Variants in NME7 observed in about 807,000 individuals in gnomAD.
NME7 encodes the protein nucleoside diphosphate kinase 7.
Under a neutral mutation model 49.1 loss-of-function variants are expected in NME7, and 41 were observed. The observed-to-expected ratio is 0.83, with a 90% CI of 0.65 to 1.08. The LOEUF (loss-of-function observed/expected upper bound fraction) is 1.08, where lower values mean the gene tolerates loss of function less well. Among genes scored for constraint, NME7 ranks in the 50% least tolerant of loss-of-function variants. The probability of loss-of-function intolerance (pLI) is 0.00; values close to 1 mark genes in which losing one functional copy is unlikely to be tolerated. For synonymous variants in NME7, 139 were observed against 150.6 expected, an observed-to-expected ratio of 0.92 and a Z score of 0.56; for missense variants, 423 against 463.4, an observed-to-expected ratio of 0.91 and a Z score of 0.80.
intron 7 of NME7, among the ~76,000 whole-genome samples, chr1:169,250,020 A>C (rs971536001): frequency 3.3e-5 from 5 of 151,976 alleles, no homozygotes; most frequent in Non-Finnish European, 7.4e-5. Context: ...CTCTTTCTTA[A>C]TCTTTTGGAA....
intron 11 of NME7, among the ~76,000 whole-genome samples, chr1:169,135,082 T>C (rs908519014): frequency 6.7e-6 from 1 of 149,002 alleles, no homozygotes; most frequent in African/African-American, 2.5e-5. Context: ...CTCAGCTACT[T>C]GGACGTCTGG....
chr1:169,303,125 TC>T lies in NME7; in HGVS notation c.440+19del. On this transcript the variant is annotated intron_variant, in intron 5 of 11. Transcript: ENST00000367811. ...GATATCCTCCTTTACATACCACTAA[TC>T]CCCAAATTAAGGACCTACTTGAAAA... 1 of 1,520,590 alleles carries T rather than the reference TC, an allele frequency of 6.6e-7. No individual in the cohort carries two copies. Among genetic ancestry groups the T allele is most frequent in the Non-Finnish European group, 9.0e-7 (1 of 1,108,614 alleles). 94.2% of individuals were successfully genotyped at this position (1,520,590 alleles called of 1,614,324 possible).
Position 169,256,077 on chromosome 1 carries a change from A to G in NME7, c.755-18390T>C, listed in dbSNP as rs1407939046. Reference sequence around the variant, plus strand: ...TCTTCTCGAGGAGTATCTTTGTGGCATTCTCTGTATTTCCTGAATCTGAAT... The same window carrying G: ...TCTTCTCGAGGAGTATCTTTGTGGCGTTCTCTGTATTTCCTGAATCTGAAT... On this transcript the variant is annotated intron_variant, in intron 7 of 11. Coordinates refer to ENST00000367811, the MANE Select transcript of NME7 (RefSeq NM_013330.5). Among the ~76,000 whole-genome samples the G allele has an allele frequency of 1.2e-4, 16 of 132,098 alleles. 2 individuals are homozygous for G. Among genetic ancestry groups the G allele is most frequent in the East Asian group, 1.0e-3 (5 of 4,974 alleles). The allele number at this position is 132,098 out of a possible 152,430, so 86.7% of individuals were successfully genotyped here. A position where few individuals can be genotyped will look rare whatever the true frequency, so the allele number is the denominator to read the frequency against.
At chr1:169,315,346 C>A (rs1651579342) in intron 3 of NME7, among the ~76,000 whole-genome samples, 1 of 151,132 alleles carries the variant, frequency 6.6e-6, no homozygotes, top group African/African-American at 2.4e-5. Flanking sequence ...CTCACTACAA[C>A]CTCCACCTCC....
intron 11 of NME7, among the ~76,000 whole-genome samples, chr1:169,142,424 G>A (rs1658622224): frequency 6.6e-6 from 1 of 152,134 alleles, no homozygotes; most frequent in Non-Finnish European, 1.5e-5. Flanking sequence ...TTAGTAAAAC[G>A]ATGCTTGATG....
At chr1:169,199,999 A>G (rs1204691393) in intron 10 of NME7, among the ~76,000 whole-genome samples, 2 of 152,066 alleles carry the variant, frequency 1.3e-5, no homozygotes, top group African/African-American at 2.4e-5. Context: ...CCTATTCATT[A>G]GTTATTTTTC....
chr1:169,303,760 C>T (rs549370642), intron 4 of NME7, among the ~76,000 whole-genome samples: 1 of 152,186 alleles, frequency 6.6e-6, no homozygotes, highest in East Asian at 1.9e-4. Flanking sequence ...CCTTATCCAT[C>T]TTTTTACACA....
chr1:169,324,106 C>G (rs531038671), intron 2 of NME7, among the ~76,000 whole-genome samples: 1 of 151,878 alleles, frequency 6.6e-6, no homozygotes, highest in Non-Finnish European at 1.5e-5. Context: ...CTGCCTGGGT[C>G]GGCCTCCCAA....
At chr1:169,144,767 C>T (rs148705661) in intron 11 of NME7, among the ~76,000 whole-genome samples, 40 of 152,218 alleles carry the variant, frequency 2.6e-4, no homozygotes, top group Non-Finnish European at 2.2e-4. Context: ...GTGGCGTGCA[C>T]CTGCCATCCC....
Position 169,297,131 on chromosome 1 carries a change from A to G in NME7, c.648+1425T>C, listed in dbSNP as rs1650742142. 3.3e-5 allele frequency among the ~76,000 whole-genome samples: 5 copies of G among 151,732 alleles called. 1 individual carries two copies. In the South Asian group the frequency reaches 1.0e-3, roughly 32 times the overall value. Reference sequence around the variant, plus strand: ...TGGGATTACAGGTGGGCGCCACCACACCCAGCTAATTTTTGTATTTTTAGT... The same window carrying G: ...TGGGATTACAGGTGGGCGCCACCACGCCCAGCTAATTTTTGTATTTTTAGT... On this transcript the variant is annotated intron_variant, in intron 6 of 11. Coordinates refer to ENST00000367811, the MANE Select transcript of NME7 (RefSeq NM_013330.5).
At chr1:169,209,979 C>G (rs1660767578) in intron 10 of NME7, among the ~76,000 whole-genome samples, 1 of 152,098 alleles carries the variant, frequency 6.6e-6, no homozygotes. Flanking sequence ...TTCTAAAAGA[C>G]TTGGCATAGT....
In NME7 at chr1:169,260,654, T is replaced by C. The variant is rs1444360206; in HGVS notation, c.755-22967A>G. ...AACTCTTGTCTTCCTTTTGTCATTG[T>C]GCAATTACGCAGATGTTTAATCTGC... On this transcript the variant is annotated intron_variant, in intron 7 of 11. Coordinates refer to ENST00000367811, the MANE Select transcript of NME7 (RefSeq NM_013330.5). Among the ~76,000 whole-genome samples the C allele has an allele frequency of 1.5e-5, 2 of 132,434 alleles. 1 individual carries two copies. The highest frequency in any genetic ancestry group is 3.5e-5 in the Non-Finnish European group (2 of 56,520). 86.9% of individuals were successfully genotyped at this position (132,434 alleles called of 152,430 possible).
rs531432764 is a variant in NME7 at position 169,209,122 on chromosome 1, A to G, written c.990+21596T>C. Among the ~76,000 whole-genome samples the G allele has an allele frequency of 2.3e-4, 35 of 152,232 alleles. 1 individual carries two copies. The South Asian group carries it at 7.3e-3, about 32-fold the overall frequency. ...AAATTAAAATTAACACTGAAGGAGCAGCATAAGACCTCATTATTGCCACAC... is the reference window on the plus strand; with the variant it reads ...AAATTAAAATTAACACTGAAGGAGCGGCATAAGACCTCATTATTGCCACAC... On this transcript the variant is annotated intron_variant, in intron 10 of 11. Transcript: ENST00000367811.
At position 169,324,037 on chromosome 1, in the gene NME7, T is replaced by A. The variant is rs542583625; in HGVS notation, c.111+356A>T. 4.6e-5 allele frequency among the ~76,000 whole-genome samples: 7 copies of A among 151,892 alleles called. No homozygotes were observed. In the East Asian group the frequency reaches 1.4e-3, roughly 30 times the overall value. ...CCCGGCTAATTTTTTGTATCTTTAGTAGAGATGGGTTTTCACCATGTTGGC... is the reference window on the plus strand; with the variant it reads ...CCCGGCTAATTTTTTGTATCTTTAGAAGAGATGGGTTTTCACCATGTTGGC... On this transcript the variant is annotated intron_variant, in intron 2 of 11. Transcript: ENST00000367811.
At chr1:169,177,981 C>T (rs952103700) in intron 10 of NME7, among the ~76,000 whole-genome samples, 5 of 151,962 alleles carry the variant, frequency 3.3e-5, no homozygotes, top group African/African-American at 4.8e-5. Flanking sequence ...GGACTACAGG[C>T]GCCCGCCACC....
chr1:169,177,068 G>A (rs572429541), intron 10 of NME7, among the ~76,000 whole-genome samples: 29 of 151,998 alleles, frequency 1.9e-4, no homozygotes, highest in African/African-American at 7.0e-4. Flanking sequence ...ATATCTCCCC[G>A]CAAAAGAATC....
chr1:169,342,430 C>T lies in NME7; in HGVS notation c.4-17930G>A, dbSNP rs185006384. ...ATAAATTACCCAGTCTCACGTAGTA[C>T]CTTTATAGCAGTGTGAACATGGACT... On this transcript the variant is annotated intron_variant, in intron 1 of 11. Transcript: ENST00000367811. Among the ~76,000 whole-genome samples the T allele has an allele frequency of 6.5e-3, 962 of 148,854 alleles. 18 individuals carry two copies. The highest frequency in any genetic ancestry group is 0.023 in the African/African-American group (924 of 40,314).
chr1:169,257,230 G>A (rs1438511430), intron 7 of NME7, among the ~76,000 whole-genome samples: 2 of 134,514 alleles, frequency 1.5e-5, no homozygotes, highest in East Asian at 4.0e-4. Flanking sequence ...CGTGGGCATA[G>A]GACCCTCCAA....
intron 3 of NME7, chr1:169,310,778 T>C (rs905579267): frequency 2.0e-5 from 3 of 152,184 alleles, no homozygotes; most frequent in African/African-American, 7.2e-5. Flanking sequence ...CAAGGTAACA[T>C]GACAAAGGTT....
Sources: allele counts gnomAD v4.1 joint callset (sites outside exome capture counted in the v4.1 genomes callset), GRCh38; gene constraint gnomAD v4.1.1; transcripts MANE v1.5; gene names NCBI Gene and HGNC (gene_info 2026-07-23, HGNC 2026-07-21).